The following RANBP17 variants were observed in gnomAD, a reference collection of about 807,000 sequenced individuals.
The protein encoded by RANBP17 is ran-binding protein 17.
RANBP17 carries 158 observed loss-of-function variants against 141.2 expected under a neutral mutation model. The observed-to-expected ratio is 1.12, with a 90% CI of 0.98 to 1.28. The LOEUF (loss-of-function observed/expected upper bound fraction) is 1.28, where lower values mean the gene tolerates loss of function less well. Ranked by LOEUF, RANBP17 falls within the 50% of genes most tolerant of loss-of-function variation. The pLI, the probability that RANBP17 is intolerant of heterozygous loss-of-function variation, is 0.00. For missense variants in RANBP17, 1,438 were observed against 1,290.7 expected (o/e 1.11, Z -1.75); for synonymous variants, 430 against 450.0 (o/e 0.96, Z 0.56).
At chr5:170,924,323 TA>T (rs1772732417) in intron 11 of RANBP17, 33 bp from the exon 12 acceptor site, 2 of 1,423,180 alleles carry the variant, frequency 1.4e-6, no homozygotes, top group South Asian at 2.7e-5. Context: ...CTTCACATTC[TA>T]ATGTTGTCTG....
intron 14 of RANBP17, among the ~76,000 whole-genome samples, chr5:171,030,047 G>A (rs1781462575): frequency 6.6e-6 from 1 of 152,002 alleles, no homozygotes; most frequent in African/African-American, 2.4e-5. Context: ...AATTTTCCAA[G>A]TGACTCTTAA....
At chr5:171,297,264 T>C (rs751431000) in intron 27 of RANBP17, among the ~76,000 whole-genome samples, 1 of 152,216 alleles carries the variant, frequency 6.6e-6, no homozygotes, top group Non-Finnish European at 1.5e-5. Flanking sequence ...CAGAATCTAC[T>C]GTGTAGGCAT....
At chr5:171,062,544 G>C (rs540674571) in intron 14 of RANBP17, among the ~76,000 whole-genome samples, 2 of 152,180 alleles carry the variant, frequency 1.3e-5, no homozygotes, top group East Asian at 3.9e-4. Context: ...TAGTCTGATG[G>C]GCTTCCCTTT....
chr5:171,075,510 A>G (rs1490513470), intron 14 of RANBP17, among the ~76,000 whole-genome samples: 1 of 152,220 alleles, frequency 6.6e-6, no homozygotes, highest in Non-Finnish European at 1.5e-5. Context: ...AGGAACAGAA[A>G]GTACATTATT....
At chr5:170,972,158 C>T (rs1051796328) in intron 14 of RANBP17, among the ~76,000 whole-genome samples, 2 of 147,654 alleles carry the variant, frequency 1.4e-5, no homozygotes, top group Non-Finnish European at 3.0e-5. Flanking sequence ...AAGTATTATG[C>T]AGTTTGGATC....
chr5:170,935,821 C>A (rs1344949186), intron 12 of RANBP17, among the ~76,000 whole-genome samples: 1 of 152,222 alleles, frequency 6.6e-6, no homozygotes, highest in African/African-American at 2.4e-5. Flanking sequence ...CTCTTCAAAG[C>A]TGTCAGACAG....
At chr5:171,046,693 GAA>G (rs538535986) in intron 14 of RANBP17, among the ~76,000 whole-genome samples, 1 of 150,678 alleles carries the variant, frequency 6.6e-6, no homozygotes, top group Non-Finnish European at 1.5e-5. Flanking sequence ...GTTGCTGGAT[GAA>G]AAAAAAATAC....
chr5:170,874,286 G>A (rs1349611667), intron 1 of RANBP17, among the ~76,000 whole-genome samples: 1 of 152,136 alleles, frequency 6.6e-6, no homozygotes, highest in Non-Finnish European at 1.5e-5. Flanking sequence ...GTACCATGTG[G>A]CACTAGAAGA....
intron 14 of RANBP17, among the ~76,000 whole-genome samples, chr5:171,113,522 C>T (rs1755397321): frequency 6.6e-6 from 1 of 151,956 alleles, no homozygotes; most frequent in Non-Finnish European, 1.5e-5. Flanking sequence ...CATTATATAC[C>T]AAGCCAAGCT....
intron 25 of RANBP17, among the ~76,000 whole-genome samples, chr5:171,274,799 C>T (rs1767389135): frequency 6.6e-6 from 1 of 152,120 alleles, no homozygotes; most frequent in African/African-American, 2.4e-5. Flanking sequence ...CTAGTGTAGT[C>T]ATAGACTGCT....
At chr5:171,100,474 A>G (rs187387648) in intron 14 of RANBP17, among the ~76,000 whole-genome samples, 23 of 151,924 alleles carry the variant, frequency 1.5e-4, no homozygotes, top group Non-Finnish European at 2.9e-5. Flanking sequence ...TATTGTGTCT[A>G]TTTGATTCTT....
At chr5:171,047,584 G>A (rs62392972) in intron 14 of RANBP17, among the ~76,000 whole-genome samples, 22,579 of 151,546 alleles carry the variant, frequency 0.15, 1,775 homozygotes, top group African/African-American at 0.17. Flanking sequence ...GGGATTACAG[G>A]CGCATGCCAC....
At position 170,914,298 on chromosome 5, in the gene RANBP17, A is replaced by G. The variant is rs1771771397; in HGVS notation, c.834+58A>G. On this transcript the variant is annotated intron_variant, in intron 8 of 27. Coordinates refer to ENST00000523189, the MANE Select transcript of RANBP17 (RefSeq NM_022897.5). ...AATACCTGTGTAAATAAGGGGTGGTATATATTTACTTCAAAAATTCTGTTT... is the reference window on the plus strand; with the variant it reads ...AATACCTGTGTAAATAAGGGGTGGTGTATATTTACTTCAAAAATTCTGTTT... 3.7e-6 allele frequency: 4 copies of G among 1,074,938 alleles called. No homozygotes were observed. The African/African-American group carries it at 4.9e-5, about 13-fold the overall frequency. 66.6% of individuals were successfully genotyped at this position (1,074,938 alleles called of 1,614,324 possible). A position where few individuals can be genotyped will look rare whatever the true frequency, so the allele number is the denominator to read the frequency against.
chr5:171,035,348 T>G (rs998821897), intron 14 of RANBP17, among the ~76,000 whole-genome samples: 1 of 152,174 alleles, frequency 6.6e-6, no homozygotes, highest in African/African-American at 2.4e-5. Context: ...CTTAGTAATT[T>G]TTTAAATGAA....
rs934723067 is a variant in RANBP17, at chr5:171,172,507, A to AT, written c.1865+1227dup. Among the ~76,000 whole-genome samples the AT allele has an allele frequency of 1.8e-3, 264 of 150,600 alleles. 1 individual carries two copies. The highest frequency in any genetic ancestry group is 5.6e-3 in the African/African-American group (232 of 41,066). On this transcript the variant is annotated intron_variant, in intron 16 of 27. Transcript: ENST00000523189. The stretch of plus-strand genomic sequence containing the variant: ...GGTCATTTGGCTTTTTAAGATATGT[A>AT]TTTTTTCTTATTAAAAAAAAAACTC...
chr5:171,247,140 CT>C (rs1299859774), intron 24 of RANBP17, among the ~76,000 whole-genome samples: 2 of 152,140 alleles, frequency 1.3e-5, no homozygotes, highest in Non-Finnish European at 1.5e-5. Context: ...AGTGAATGAC[CT>C]AGGAATCATT....
At chr5:171,159,408 C>A (rs1253564522) in intron 14 of RANBP17, among the ~76,000 whole-genome samples, 3 of 152,154 alleles carry the variant, frequency 2.0e-5, no homozygotes, top group Non-Finnish European at 4.4e-5. Flanking sequence ...AAGAACTAAG[C>A]TAGATCCTTG....
At chr5:170,952,610 CAG>C (rs1775294847) in intron 12 of RANBP17, among the ~76,000 whole-genome samples, 1 of 151,906 alleles carries the variant, frequency 6.6e-6, no homozygotes, top group Non-Finnish European at 1.5e-5. Context: ...TTCTAACAAG[CAG>C]ATAGCCTCTT....
At chr5:171,011,970 A>G (rs1780068804) in intron 14 of RANBP17, among the ~76,000 whole-genome samples, 1 of 151,952 alleles carries the variant, frequency 6.6e-6, no homozygotes, top group Non-Finnish European at 1.5e-5. Context: ...TTTTGTAGAA[A>G]GTCGTACTAT....
Sources: gnomAD v4.1 joint callset for allele counts (sites outside exome capture counted in the v4.1 genomes callset) on GRCh38, gnomAD v4.1.1 for gene constraint, MANE v1.5 for transcripts, NCBI Gene and HGNC (gene_info 2026-07-23, HGNC 2026-07-21) for gene names.